Variants in TRPM3 observed in about 807,000 individuals in gnomAD.
TRPM3 encodes long transient receptor potential channel 3.
Under a neutral mutation model 181.2 loss-of-function variants are expected in TRPM3, and 77 were observed. The ratio of observed to expected loss-of-function variants is 0.42; its 90% CI spans 0.35 to 0.51. The LOEUF (loss-of-function observed/expected upper bound fraction) is 0.51. TRPM3 is among the 20% of genes least tolerant of loss of function. The pLI, the probability that TRPM3 is intolerant of heterozygous loss-of-function variation, is 0.01. For synonymous variants in TRPM3, 745 were observed against 796.4 expected, an observed-to-expected ratio of 0.94 and a Z score of 1.09; for missense variants, 1,759 against 2,196.7, an observed-to-expected ratio of 0.80 and a Z score of 3.98.
chr9:70,893,851 A>T (rs2132891715), intron 1 of TRPM3, among the ~76,000 whole-genome samples: 1 of 152,348 alleles, frequency 6.6e-6, no homozygotes, highest in Admixed American at 6.5e-5. Context: ...GGCCTAAGAC[A>T]CAAAAGAAGT....
chr9:71,312,875 G>T (rs550310267), intron 1 of TRPM3, among the ~76,000 whole-genome samples: 2 of 152,104 alleles, frequency 1.3e-5, no homozygotes, highest in Non-Finnish European at 2.9e-5. Context: ...AAACATCAGT[G>T]GTGGTCAGGG....
chr9:70,779,600 T>C (rs1372003407), intron 7 of TRPM3, among the ~76,000 whole-genome samples: 1 of 152,164 alleles, frequency 6.6e-6, no homozygotes, highest in Admixed American at 6.6e-5. Flanking sequence ...GTCAGGAGTC[T>C]ACATCCTGAA....
chr9:71,257,593 T>C (rs1408120135), intron 1 of TRPM3, among the ~76,000 whole-genome samples: 1 of 152,210 alleles, frequency 6.6e-6, no homozygotes, highest in Non-Finnish European at 1.5e-5. Context: ...ATTTAAGATA[T>C]GTTTTCTTTA....
At chr9:70,785,492 C>T (rs974655652) in intron 6 of TRPM3, among the ~76,000 whole-genome samples, 4 of 152,134 alleles carry the variant, frequency 2.6e-5, no homozygotes, top group African/African-American at 9.7e-5. Context: ...TTAGAGGGCG[C>T]ACACAGCAGT....
intron 1 of TRPM3, among the ~76,000 whole-genome samples, chr9:71,026,878 C>A (rs1414947649): frequency 1.3e-5 from 2 of 152,148 alleles, no homozygotes; most frequent in East Asian, 3.9e-4. Context: ...GGGACCCTGG[C>A]CCCCCAAGTT....
In TRPM3 at chr9:70,690,519, G is replaced by A. The variant is rs142814634; in HGVS notation, c.1273-8941C>T. On this transcript the variant is annotated intron_variant, in intron 8 of 25. Coordinates refer to ENST00000677713, the MANE Select transcript of TRPM3 (RefSeq NM_001366145.2). ...ATTAGACTCAGTAAGCAATTCAGTC[G>A]CTACAATGAAATAACTTTTTATTTA... Among the ~76,000 whole-genome samples the A allele has an allele frequency of 2.2e-3, 340 of 151,434 alleles. 3 individuals carry two copies. The East Asian group carries it at 0.048, about 21-fold the overall frequency.
chr9:70,926,011 A>G (rs1340068309), intron 1 of TRPM3, among the ~76,000 whole-genome samples: 1 of 140,260 alleles, frequency 7.1e-6, no homozygotes, highest in Non-Finnish European at 1.6e-5. Flanking sequence ...AAAAAAAAAA[A>G]CAAACAAAAG....
At chr9:71,233,619 G>A (rs1170148357) in intron 1 of TRPM3, among the ~76,000 whole-genome samples, 1 of 152,134 alleles carries the variant, frequency 6.6e-6, no homozygotes, top group Non-Finnish European at 1.5e-5. Flanking sequence ...CTAGGAAACT[G>A]CAGGAAAAAC....
intron 8 of TRPM3, among the ~76,000 whole-genome samples, chr9:70,690,381 A>C (rs1477588186): frequency 6.6e-6 from 1 of 152,140 alleles, no homozygotes; most frequent in South Asian, 2.1e-4. Context: ...AAAATGGTAC[A>C]TCTTCGGCTT....
intron 1 of TRPM3, among the ~76,000 whole-genome samples, chr9:71,430,249 C>CT (rs1444971221): frequency 1.3e-5 from 2 of 152,096 alleles, no homozygotes; most frequent in African/African-American, 4.8e-5. Flanking sequence ...AAATATTAAA[C>CT]TTTTATAAAC....
chr9:71,179,058 A>C (rs1472843020), intron 1 of TRPM3, among the ~76,000 whole-genome samples: 2 of 152,186 alleles, frequency 1.3e-5, no homozygotes, highest in Non-Finnish European at 2.9e-5. Flanking sequence ...TTTATAGGGA[A>C]TATTCAGAAG....
chr9:71,174,623 TGA>T (rs767332415), intron 1 of TRPM3, among the ~76,000 whole-genome samples: 1 of 152,032 alleles, frequency 6.6e-6, no homozygotes, highest in Non-Finnish European at 1.5e-5. Flanking sequence ...AAAATATAGT[TGA>T]GTGTTGAAAC....
intron 9 of TRPM3, among the ~76,000 whole-genome samples, chr9:70,659,391 C>T (rs1295297927): frequency 6.6e-6 from 1 of 152,132 alleles, no homozygotes; most frequent in Non-Finnish European, 1.5e-5. Flanking sequence ...ATTGACCCAA[C>T]TCATAGGTAT....
chr9:70,752,008 G>A (rs867081670), intron 8 of TRPM3, among the ~76,000 whole-genome samples: 1,893 of 108,068 alleles, frequency 0.018, 21 homozygotes, highest in South Asian at 0.029. Context: ...CAGTGTGTGT[G>A]TGTGTGTGTG....
intron 8 of TRPM3, among the ~76,000 whole-genome samples, chr9:70,690,244 CAT>C (rs1161381520): frequency 6.6e-6 from 1 of 152,128 alleles, no homozygotes; most frequent in Non-Finnish European, 1.5e-5. Flanking sequence ...TGGTTTGTAA[CAT>C]GTCTGAGAAT....
At chr9:71,072,632 T>C (rs1220567384) in intron 1 of TRPM3, among the ~76,000 whole-genome samples, 4 of 152,162 alleles carry the variant, frequency 2.6e-5, no homozygotes, top group African/African-American at 7.2e-5. Flanking sequence ...CCAGAGCTTG[T>C]GCAGTAATAG....
intron 1 of TRPM3, among the ~76,000 whole-genome samples, chr9:71,413,808 G>C (rs185631705): frequency 6.6e-6 from 1 of 151,522 alleles, no homozygotes; most frequent in Admixed American, 6.6e-5. Flanking sequence ...CCTGCCAGAT[G>C]CTTTAATATT....
At chr9:70,922,685 T>A (rs548595686) in intron 1 of TRPM3, among the ~76,000 whole-genome samples, 1 of 152,288 alleles carries the variant, frequency 6.6e-6, no homozygotes, top group South Asian at 2.1e-4. Context: ...TAAACCTTCA[T>A]ACACTGATAC....
chr9:70,631,894 G>T (rs2065923778), intron 12 of TRPM3, among the ~76,000 whole-genome samples: 1 of 152,194 alleles, frequency 6.6e-6, no homozygotes, highest in Admixed American at 6.5e-5. Context: ...ATGATGGTCT[G>T]ATAATTCCTC....
Sources: gnomAD v4.1 joint callset for allele counts (sites outside exome capture counted in the v4.1 genomes callset) on GRCh38, gnomAD v4.1.1 for gene constraint, MANE v1.5 for transcripts, NCBI Gene and HGNC (gene_info 2026-07-23, HGNC 2026-07-21) for gene names.